Variants in ANOS1 observed in about 807,000 individuals in gnomAD.
The protein encoded by ANOS1 is anosmin 1, also known as anosmin-1.
ANOS1 carries 6 observed loss-of-function variants against 59.0 expected under a neutral mutation model. The ratio of observed to expected loss-of-function variants is 0.10; its 90% CI spans 0.06 to 0.20. The LOEUF is 0.20. Ranked by LOEUF, ANOS1 falls within the 10% of genes least tolerant of loss-of-function variation. ANOS1 has a pLI of 1.00. For missense variants in ANOS1, 433 were observed against 542.3 expected, an observed-to-expected ratio of 0.80 and a Z score of 2.00; for synonymous variants, 217 against 223.4, an observed-to-expected ratio of 0.97 and a Z score of 0.25.
chrX:8,683,679 C>T (rs1932461754), intron 2 of ANOS1, among the ~76,000 whole-genome samples: 1 of 111,975 alleles, frequency 8.9e-6, no homozygotes, highest in South Asian at 3.7e-4. Flanking sequence ...CCATTGCCCC[C>T]ATTTCCTTTA....
At chrX:8,615,871 G>A (rs1242217064) in intron 3 of ANOS1, among the ~76,000 whole-genome samples, 1 of 111,186 alleles carries the variant, frequency 9.0e-6, no homozygotes, top group Non-Finnish European at 1.9e-5. Flanking sequence ...TGCCATTTAA[G>A]GTCATGTGCT....
At chrX:8,727,979 CA>C (rs1932934465) in intron 1 of ANOS1, among the ~76,000 whole-genome samples, 1 of 112,756 alleles carries the variant, frequency 8.9e-6, no homozygotes, top group African/African-American at 3.2e-5. Context: ...GACAAGTTAA[CA>C]GAAGCAAGTG....
intron 4 of ANOS1, among the ~76,000 whole-genome samples, chrX:8,593,152 T>G (rs946259836): frequency 7.1e-5 from 8 of 112,190 alleles, no homozygotes; most frequent in African/African-American, 2.6e-4. Context: ...AATGTCCATT[T>G]ATTTAAAGGT....
chrX:8,731,820 C>G lies in ANOS1; in HGVS notation c.207+10G>C. On this transcript the variant is annotated intron_variant, in intron 1 of 13. Coordinates refer to ENST00000262648, the MANE Select transcript of ANOS1 (RefSeq NM_000216.4). ...CCCCAGAAAGAACCCGGGCGGGGGC[C>G]TCCCCGTACCTGGAAGTGCTGGAAG... The G allele has an allele frequency of 8.4e-7, 1 of 1,185,161 alleles. No individual in the cohort carries two copies. Among genetic ancestry groups the G allele is most frequent in the Non-Finnish European group, 1.1e-6 (1 of 882,934 alleles).
chrX:8,568,286 G>A lies in ANOS1; in HGVS notation c.1153C>T (p.Leu385=). ...TGAAGGGACACCTTTGCACTCTTCA[G>A]CCGTGTCTGTCCCCAGTACGTTATG... The part of the protein sequence containing the change: ...QAITYWGQTR[L]KSAKVSLHFT... Residue 385 remains leucine, a synonymous_variant, in exon 8 of 14, where the codon CTG becomes TTG. Transcript: ENST00000262648. 1 of 1,209,865 alleles carries A rather than the reference G, an allele frequency of 8.3e-7. No homozygotes were observed. The highest frequency in any genetic ancestry group is 1.1e-6 in the Non-Finnish European group (1 of 893,823).
chrX:8,576,491 T>TACACACACACACAC (rs769843705), intron 6 of ANOS1, among the ~76,000 whole-genome samples: 3 of 93,475 alleles, frequency 3.2e-5, no homozygotes, highest in Non-Finnish European at 6.5e-5. Flanking sequence ...CACACACACA[T>TACACACACACACAC]ACACACACAC....
intron 1 of ANOS1, among the ~76,000 whole-genome samples, chrX:8,700,028 A>G (rs1339389335): frequency 8.9e-6 from 1 of 112,120 alleles, no homozygotes; most frequent in Non-Finnish European, 1.9e-5. Context: ...TGGTGTGTTG[A>G]GCAGTGAAGC....
intron 1 of ANOS1, among the ~76,000 whole-genome samples, chrX:8,725,605 T>C (rs1163247997): frequency 1.8e-5 from 1 of 55,405 alleles, no homozygotes; most frequent in Non-Finnish European, 3.3e-5. Context: ...GATATATATA[T>C]ACAGATATAT....
intron 1 of ANOS1, among the ~76,000 whole-genome samples, chrX:8,731,325 C>T (rs1418229174): frequency 8.9e-6 from 1 of 111,895 alleles, no homozygotes; most frequent in Non-Finnish European, 1.9e-5. Context: ...TCTGAGCCCT[C>T]AGAGAGTGAA....
intron 3 of ANOS1, among the ~76,000 whole-genome samples, chrX:8,611,669 G>A (rs942972859): frequency 1.4e-4 from 15 of 110,045 alleles, no homozygotes; most frequent in Non-Finnish European, 2.5e-4. Context: ...TATGCATGTC[G>A]GAAGAAAATA....
At chrX:8,579,930 C>A (rs1423083803) in intron 6 of ANOS1, among the ~76,000 whole-genome samples, 2 of 112,077 alleles carry the variant, frequency 1.8e-5, no homozygotes, top group Non-Finnish European at 3.8e-5. Flanking sequence ...TTCCTACCTA[C>A]CACATTCTTG....
intron 2 of ANOS1, among the ~76,000 whole-genome samples, chrX:8,683,257 G>A (rs1602023052): frequency 2.7e-5 from 3 of 111,114 alleles, no homozygotes; most frequent in South Asian, 3.9e-4. Flanking sequence ...GACGAGGAGC[G>A]ATGAAGGAGG....
chrX:8,700,045 A>C (rs757292117), intron 1 of ANOS1, among the ~76,000 whole-genome samples: 1 of 112,281 alleles, frequency 8.9e-6, no homozygotes, highest in Non-Finnish European at 1.9e-5. Context: ...AAGCAGGTAA[A>C]TGAACACTAG....
At chrX:8,581,073 T>C (rs1451265328) in intron 6 of ANOS1, among the ~76,000 whole-genome samples, 1 of 110,915 alleles carries the variant, frequency 9.0e-6, no homozygotes, top group Non-Finnish European at 1.9e-5. Context: ...AAAATGTTGT[T>C]CTATCTCTCA....
chrX:8,585,607 C>G (rs1001843231), intron 5 of ANOS1, among the ~76,000 whole-genome samples: 2 of 111,995 alleles, frequency 1.8e-5, no homozygotes, highest in Admixed American at 1.9e-4. Flanking sequence ...TTAAACATCT[C>G]TTGAAGTCAA....
At chrX:8,626,397 AT>A (rs1188725531) in intron 2 of ANOS1, among the ~76,000 whole-genome samples, 2 of 111,018 alleles carry the variant, frequency 1.8e-5, no homozygotes, top group African/African-American at 3.3e-5. Context: ...AATTATTTTC[AT>A]TTTTTTAAAA....
chrX:8,553,692 T>C (rs1029875251), intron 9 of ANOS1, among the ~76,000 whole-genome samples: 2 of 111,406 alleles, frequency 1.8e-5, no homozygotes, highest in African/African-American at 6.5e-5. Context: ...ATATTTTGAG[T>C]GTTTTGGATA....
chrX:8,610,429 A>G (rs1931035258), intron 3 of ANOS1, among the ~76,000 whole-genome samples: 1 of 111,987 alleles, frequency 8.9e-6, no homozygotes. Flanking sequence ...ATAGCTCTGC[A>G]ATTTTTCCAA....
At chrX:8,588,026 TGAAG>T in intron 4 of ANOS1, 48 bp from the exon 5 acceptor site, 1 of 1,069,364 alleles carries the variant, frequency 9.4e-7, no homozygotes, top group Non-Finnish European at 1.3e-6. Context: ...TGACTCAAAT[TGAAG>T]TAAAAGTTGA....
Sources: gnomAD v4.1 joint callset for allele counts (sites outside exome capture counted in the v4.1 genomes callset) on GRCh38, gnomAD v4.1.1 for gene constraint, MANE v1.5 for transcripts, NCBI Gene and HGNC (gene_info 2026-07-23, HGNC 2026-07-21) for gene names.